The following FGD5 variants were observed in gnomAD, a reference collection of about 807,000 sequenced individuals.
FGD5 encodes FYVE, RhoGEF and PH domain containing 5, also known as FYVE, RhoGEF and PH domain-containing protein 5.
A neutral mutation model predicts 133.4 loss-of-function variants in FGD5; 28 were observed. The ratio of observed to expected loss-of-function variants is 0.21; its 90% confidence interval spans 0.16 to 0.29. FGD5 has a LOEUF of 0.29. Ranked by LOEUF, FGD5 falls within the 10% of genes least tolerant of loss-of-function variation. The pLI, the probability that FGD5 is intolerant of heterozygous loss-of-function variation, is 1.00. For missense variants in FGD5, 1,858 were observed against 1,895.2 expected (o/e 0.98, Z 0.36); for synonymous variants, 810 against 776.5 (o/e 1.04, Z -0.72).
At chr3:14,814,020 C>T (rs550477516), upstream of FGD5, among the ~76,000 whole-genome samples, 1 of 152,316 alleles carries the variant, frequency 6.6e-6, no homozygotes, top group South Asian at 2.1e-4. Flanking sequence ...CTCCTGCCAT[C>T]TTGGCTCAAA....
At chr3:14,823,110 C>G (rs977854522) in intron 1 of FGD5, among the ~76,000 whole-genome samples, 6 of 152,174 alleles carry the variant, frequency 3.9e-5, no homozygotes, top group Middle Eastern at 3.2e-3. Flanking sequence ...CTCGTGCGAG[C>G]TGCAAGAGGG....
upstream of FGD5, among the ~76,000 whole-genome samples, chr3:14,815,812 T>C (rs1400765256): frequency 6.6e-6 from 1 of 152,152 alleles, no homozygotes; most frequent in Non-Finnish European, 1.5e-5. Flanking sequence ...GAGGGTCAGG[T>C]GACAACACTA....
chr3:14,922,016 A>C lies in FGD5; in HGVS notation c.3668A>C (p.Glu1223Ala), dbSNP rs1257582291. Residue 1223 changes from glutamate (E) to alanine (A), a missense_variant and splice_region_variant, in exon 14 of 20, where the codon GAG becomes GCG. By Grantham distance (107) the Glu-to-Ala change is moderately radical (BLOSUM62 -1). Coordinates refer to ENST00000285046, the MANE Select transcript of FGD5 (RefSeq NM_152536.4). The surrounding 1 kb of genome is among the most constrained non-coding windows in gnomAD (Gnocchi z 4.1). ...CTGGCTGCATTCCACCATAGCGTGG[A>C]GGTGAGTGGGTGGGCAGGGCCCACG... Reference protein sequence around the residue: ...QALAAFHHSVEIRERLGVSLG... With the variant: ...QALAAFHHSVAIRERLGVSLG... 6.4e-7 allele frequency: 1 copy of C among 1,557,684 alleles called. No homozygotes were observed. The highest frequency in any genetic ancestry group is 8.7e-7 in the Non-Finnish European group (1 of 1,150,678).
chr3:14,868,717 C>G (rs1474718311), intron 2 of FGD5, among the ~76,000 whole-genome samples: 1 of 152,236 alleles, frequency 6.6e-6, no homozygotes, highest in Non-Finnish European at 1.5e-5. Context: ...ACTTTCTCCA[C>G]TGTCTGCCTC....
chr3:14,810,893 G>A (rs2036281849), intron 1 of FGD5: 1 of 985,094 alleles, frequency 1.0e-6, no homozygotes. Flanking sequence ...CTCCGGCGCC[G>A]AGGCACGAGC....
At chr3:14,898,169 T>C in intron 6 of FGD5, 74 bp downstream of exon 6, 1 of 1,583,342 alleles carries the variant, frequency 6.3e-7, no homozygotes, top group Non-Finnish European at 8.6e-7. Context: ...TTAATGCAAA[T>C]CAGTGGGACA....
intron 11 of FGD5, among the ~76,000 whole-genome samples, chr3:14,916,839 T>G (rs2038566110): frequency 6.6e-6 from 1 of 152,248 alleles, no homozygotes; most frequent in Admixed American, 6.5e-5. Flanking sequence ...GCTTCTTCAC[T>G]CAGCATGATT....
At chr3:14,898,699 G>A in intron 6 of FGD5, 40 bp from the exon 7 acceptor site, 1 of 1,522,076 alleles carries the variant, frequency 6.6e-7, no homozygotes, top group Non-Finnish European at 8.9e-7. Context: ...CTTCAGGAGG[G>A]GTTTCTGATA....
intron 1 of FGD5, among the ~76,000 whole-genome samples, chr3:14,812,377 A>G (rs1292229832): frequency 2.6e-5 from 4 of 152,172 alleles, no homozygotes; most frequent in Admixed American, 2.0e-4. Flanking sequence ...CTACACTCCT[A>G]ATAAAACTCG....
chr3:14,923,290 T>A, intron 16 of FGD5, 115 bp downstream of exon 16: 7 of 1,371,850 alleles, frequency 5.1e-6, no homozygotes, highest in Non-Finnish European at 6.9e-6. Context: ...TGGAGGGAGT[T>A]ATTCACTCCA....
chr3:14,878,204 T>C (rs1479118178), intron 2 of FGD5, among the ~76,000 whole-genome samples: 1 of 152,014 alleles, frequency 6.6e-6, no homozygotes, highest in Non-Finnish European at 1.5e-5. Flanking sequence ...TGAGACCGGG[T>C]TGGTTATTCT....
At chr3:14,932,393 C>G in intron 18 of FGD5, 184 bp from the exon 19 acceptor site, 82 of 560,158 alleles carry the variant, frequency 1.5e-4, no homozygotes, top group Middle Eastern at 4.6e-4. Flanking sequence ...AGTGTCGTTT[C>G]TTTCCTTCCT....
intron 1 of FGD5, among the ~76,000 whole-genome samples, chr3:14,856,075 C>A (rs1020776952): frequency 1.3e-5 from 2 of 152,080 alleles, no homozygotes; most frequent in Non-Finnish European, 2.9e-5. Context: ...AGGTAAGGAT[C>A]TAGTTTCATT....
chr3:14,868,478 A>G (rs1232000869), intron 2 of FGD5, among the ~76,000 whole-genome samples: 2 of 152,170 alleles, frequency 1.3e-5, no homozygotes, highest in Non-Finnish European at 2.9e-5. Flanking sequence ...TCCGCCCCCA[A>G]TTAAAGGGTC....
intron 10 of FGD5, among the ~76,000 whole-genome samples, chr3:14,909,761 C>CTTTTTTTTT (rs201883392): frequency 1.5e-5 from 2 of 137,498 alleles, no homozygotes; most frequent in African/African-American, 2.7e-5. Flanking sequence ...CTTTTCTTTT[C>CTTTTTTTTT]TTTTTTTTTT....
intron 1 of FGD5, among the ~76,000 whole-genome samples, chr3:14,856,099 A>G (rs1366521666): frequency 6.6e-6 from 1 of 151,994 alleles, no homozygotes; most frequent in Non-Finnish European, 1.5e-5. Flanking sequence ...CTACATATGG[A>G]TATTCAGTTT....
Position 14,933,381 on chromosome 3 carries a change from G to T in FGD5, c.*214G>T. Reference sequence around the variant, plus strand: ...GATATTTATGGACCTCTCCTTTTCTGTGTTTTCCACCCCTACCCCCACCCG... The same window carrying T: ...GATATTTATGGACCTCTCCTTTTCTTTGTTTTCCACCCCTACCCCCACCCG... On this transcript the variant is annotated 3_prime_UTR_variant, in exon 20 of 20. Transcript: ENST00000285046. The T allele has an allele frequency of 1.7e-6, 1 of 587,252 alleles. No homozygotes were observed. 36.4% of individuals were successfully genotyped at this position (587,252 alleles called of 1,614,324 possible).
chr3:14,911,029 G>A, intron 11 of FGD5, 100 bp downstream of exon 11: 1 of 1,167,300 alleles, frequency 8.6e-7, no homozygotes, highest in Non-Finnish European at 1.2e-6. Context: ...TGAGAGGAGA[G>A]TAGAACAGAG....
At chr3:14,861,390 A>G (rs1045708297) in intron 1 of FGD5, among the ~76,000 whole-genome samples, 19 of 152,208 alleles carry the variant, frequency 1.2e-4, no homozygotes, top group Admixed American at 4.6e-4. Context: ...ACTCAAGAGC[A>G]TGAGCTCTCA....
Sources: gnomAD v4.1 joint callset for allele counts (sites outside exome capture counted in the v4.1 genomes callset) on GRCh38, gnomAD v4.1.1 for gene constraint, Gnocchi (gnomAD v3.1) non-coding constraint, MANE v1.5 for transcripts, NCBI Gene and HGNC (gene_info 2026-07-23, HGNC 2026-07-21) for gene names.